The following IMPG1 variants were observed in gnomAD, a reference collection of about 807,000 sequenced individuals.
IMPG1 encodes the protein interphotoreceptor matrix proteoglycan of 150 kDa.
IMPG1 carries 85 observed loss-of-function variants against 92.0 expected under a neutral mutation model. The observed-to-expected ratio is 0.92, with a 90% CI of 0.78 to 1.11. The LOEUF (loss-of-function observed/expected upper bound fraction) is 1.11, where lower values mean the gene tolerates loss of function less well. IMPG1 is among the 50% of genes least tolerant of loss of function. The pLI is 0.00. For missense variants in IMPG1, 1,022 were observed against 956.0 expected (o/e 1.07, Z -0.91); for synonymous variants, 367 against 334.1 (o/e 1.10, Z -1.08).
rs768219294 is a variant in IMPG1 at position 75,950,825 on chromosome 6, C to T, written c.1561G>A (p.Glu521Lys). The change falls in exon 13 of 17, where the codon GAA becomes AAA. Residue 521 changes from glutamate (E) to lysine (K), a missense_variant. Glu to Lys is a moderately conservative substitution (Grantham distance 56). Around this residue, in one of 3 missense-constraint regions of IMPG1, gnomAD observed 332 missense variants for 346.2 expected, o/e 0.96. Transcript: ENST00000369950. ...GCAGGAGTGTCAGACAGATCCATTT[C>T]ATCTAGGTGTCTGACCATATCTTCG... is the stretch of plus-strand genomic sequence containing the variant. ...GGEDMVRHLD[E>K]MDLSDTPAPS... 6.2e-7 allele frequency: 1 copy of T among 1,613,964 alleles called. No individual in the cohort carries two copies. Among genetic ancestry groups the T allele is most frequent in the East Asian group, 2.2e-5 (1 of 44,882 alleles).
Position 76,069,100 on chromosome 6 carries a change from T to C in IMPG1, c.67+3322A>G, listed in dbSNP as rs1412075387. On this transcript the variant is annotated intron_variant, in intron 1 of 16. Coordinates refer to ENST00000369950, the MANE Select transcript of IMPG1 (RefSeq NM_001563.4). ...TACAACCAGTTCATCTTTGACATAG[T>C]CGACAAAAATATACACTGGGGAAAG... is the stretch of plus-strand genomic sequence containing the variant. 5.9e-5 allele frequency among the ~76,000 whole-genome samples: 9 copies of C among 152,144 alleles called. No homozygotes were observed. In the East Asian group the frequency reaches 1.7e-3, roughly 29 times the overall value.
chr6:75,935,913 C>T lies in IMPG1; in HGVS notation c.2045-4762G>A, dbSNP rs79239083. On this transcript the variant is annotated intron_variant, in intron 14 of 16. Coordinates refer to ENST00000369950, the MANE Select transcript of IMPG1 (RefSeq NM_001563.4). Reference sequence around the variant, plus strand: ...GACAGTTCTCTTCTCAATGTGTGAACATCACTTTTACATAGCGCTTGGGGC... The same window carrying T: ...GACAGTTCTCTTCTCAATGTGTGAATATCACTTTTACATAGCGCTTGGGGC... Among the ~76,000 whole-genome samples, 137 of 152,278 alleles carry T rather than the reference C, an allele frequency of 9.0e-4. 1 individual carries two copies. The East Asian group carries it at 0.022, about 24-fold the overall frequency.
chr6:75,950,690 TG>T lies in IMPG1; in HGVS notation c.1695del (p.Ile566LeufsTer9). On this transcript the variant is annotated frameshift_variant, in exon 13 of 17. Transcript: ENST00000369950. LOFTEE classifies it high-confidence loss of function. ...ACCAGCTCTCGGCCCTTGGGGGCAA[TG>T]GTCATAGAACTAGTGGTGATATACT... ...ALQYITTSSM[T>X]IAPKGRELVV... is the part of the protein sequence containing the mutation. The T allele has an allele frequency of 6.2e-7, 1 of 1,613,900 alleles. No homozygotes were observed. Among genetic ancestry groups the T allele is most frequent in the Non-Finnish European group, 8.5e-7 (1 of 1,179,862 alleles).
At chr6:75,927,002 C>T (rs895025519) in intron 15 of IMPG1, among the ~76,000 whole-genome samples, 1 of 152,192 alleles carries the variant, frequency 6.6e-6, no homozygotes, top group Non-Finnish European at 1.5e-5. Flanking sequence ...GGTAGAATAA[C>T]AAAAACGCAG....
chr6:76,067,741 A>G (rs1238489998), intron 1 of IMPG1, among the ~76,000 whole-genome samples: 1 of 152,196 alleles, frequency 6.6e-6, no homozygotes, highest in Non-Finnish European at 1.5e-5. Flanking sequence ...ACAAAAAAAG[A>G]AAACTAAAGA....
intron 12 of IMPG1, among the ~76,000 whole-genome samples, chr6:75,994,565 T>C (rs1338432786): frequency 1.3e-5 from 2 of 152,226 alleles, no homozygotes; most frequent in East Asian, 1.9e-4. Context: ...AGGAGGAGCA[T>C]GTCACGTCTT....
Position 75,966,780 on chromosome 6 carries a change from G to A in IMPG1, c.1292-15686C>T, listed in dbSNP as rs187412143. On this transcript the variant is annotated intron_variant, in intron 12 of 16. Transcript: ENST00000369950. ...AAATGTAGAAGAAAGACAAAAGAAA[G>A]CCTACATTTATGTAATTTGTGTCCT... Among the ~76,000 whole-genome samples the A allele has an allele frequency of 3.9e-5, 6 of 152,292 alleles. No homozygotes were observed. The East Asian group carries it at 1.2e-3, about 29-fold the overall frequency.
At chr6:76,062,059 G>A (rs1180690684) in intron 1 of IMPG1, among the ~76,000 whole-genome samples, 2 of 152,144 alleles carry the variant, frequency 1.3e-5, no homozygotes, top group Non-Finnish European at 2.9e-5. Flanking sequence ...ATCTAGCACA[G>A]TATTGGGTAT....
At chr6:76,035,261 G>C (rs1334253531) in intron 2 of IMPG1, among the ~76,000 whole-genome samples, 1 of 152,010 alleles carries the variant, frequency 6.6e-6, no homozygotes, top group African/African-American at 2.4e-5. Context: ...CCAGCACTTT[G>C]GGAGGCTGAG....
Position 76,003,004 on chromosome 6 carries a change from A to G in IMPG1, c.1213-8T>C. 6.2e-7 allele frequency: 1 copy of G among 1,607,110 alleles called. No homozygotes were observed. The highest frequency in any genetic ancestry group is 8.5e-7 in the Non-Finnish European group (1 of 1,173,824). ...TGGACTCAAAGTAGCATCCTGAAGA[A>G]TGAATTTTGCAAGACAGATGTTGAG... On this transcript the variant is annotated splice_region_variant and splice_polypyrimidine_tract_variant and intron_variant, in intron 11 of 16. Coordinates refer to ENST00000369950, the MANE Select transcript of IMPG1 (RefSeq NM_001563.4).
intron 12 of IMPG1, among the ~76,000 whole-genome samples, chr6:76,002,534 A>G (rs1329121316): frequency 6.6e-6 from 1 of 152,228 alleles, no homozygotes. Context: ...CACGGTTGAC[A>G]TGGCTGCTTG....
chr6:75,994,613 A>G (rs921332836), intron 12 of IMPG1, among the ~76,000 whole-genome samples: 1 of 152,220 alleles, frequency 6.6e-6, no homozygotes, highest in Non-Finnish European at 1.5e-5. Context: ...GAGCTTGGGC[A>G]GGGGAACTCC....
chr6:75,926,159 T>C (rs1224874306), intron 15 of IMPG1, among the ~76,000 whole-genome samples: 1 of 152,180 alleles, frequency 6.6e-6, no homozygotes, highest in Non-Finnish European at 1.5e-5. Context: ...ACTAGAAAAC[T>C]TCCAGGAGAA....
Position 75,934,934 on chromosome 6 carries a change from A to C in IMPG1, c.2045-3783T>G, listed in dbSNP as rs574142314. ...CCCATTTTACTCACGTGTTGGACAGAAAGTGATACATCTCCTTTGATTGGA... is the reference window on the plus strand; with the variant it reads ...CCCATTTTACTCACGTGTTGGACAGCAAGTGATACATCTCCTTTGATTGGA... On this transcript the variant is annotated intron_variant, in intron 14 of 16. Transcript: ENST00000369950. The C allele has an allele frequency of 3.0e-5, 14 of 471,450 alleles. 1 individual carries two copies. Among genetic ancestry groups the C allele is most frequent in the South Asian group, 2.2e-4 (14 of 64,554 alleles). 29.2% of individuals were successfully genotyped at this position (471,450 alleles called of 1,614,324 possible).
At chr6:75,924,702 A>AT (rs1781513885) in intron 15 of IMPG1, among the ~76,000 whole-genome samples, 1 of 218 alleles carries the variant, frequency 4.6e-3, no homozygotes, top group Non-Finnish European at 7.4e-3. Flanking sequence ...AAATAATTAT[A>AT]TATAATATAT....
chr6:76,030,182 A>G (rs983557790), intron 4 of IMPG1, among the ~76,000 whole-genome samples: 2 of 152,154 alleles, frequency 1.3e-5, no homozygotes, highest in Non-Finnish European at 2.9e-5. Context: ...ATAGAGACAT[A>G]AGGGAGAGCA....
At position 76,018,758 on chromosome 6, in the gene IMPG1, G is replaced by T. The variant is rs760175948; in HGVS notation, c.767C>A (p.Ser256Tyr). 10 of 1,613,378 alleles carry T rather than the reference G, an allele frequency of 6.2e-6. No homozygotes were observed. The Admixed American group carries it at 1.7e-4, about 27-fold the overall frequency. ...TCCTGCTAGCTCCTGGTAATATGGG[G>T]ACTGGGAGTCAGCGAGCTCTGCCTT... Reference protein sequence around the residue: ...KFKAELADSQSPYYQELAGKS... With the variant: ...KFKAELADSQYPYYQELAGKS... Residue 256 changes from serine to tyrosine, a missense_variant, in exon 7 of 17, where the codon TCC becomes TAC. Around this residue, in one of 3 missense-constraint regions of IMPG1, gnomAD observed 681 missense variants for 583.6 expected, o/e 1.17. Transcript: ENST00000369950.
intron 13 of IMPG1, among the ~76,000 whole-genome samples, chr6:75,948,292 C>T (rs1236081975): frequency 1.3e-5 from 2 of 152,238 alleles, no homozygotes; most frequent in Non-Finnish European, 2.9e-5. Flanking sequence ...TCCTGTGAGC[C>T]ACGCCATCCT....
At chr6:76,034,849 A>G (rs1175770779) in intron 2 of IMPG1, 62 bp from the exon 3 acceptor site, 48 of 1,388,574 alleles carry the variant, frequency 3.5e-5, no homozygotes, top group South Asian at 9.4e-5. Flanking sequence ...ATCCCAAGCA[A>G]AGTCTAATAA....
Sources: gnomAD v4.1 joint callset for allele counts (sites outside exome capture counted in the v4.1 genomes callset) on GRCh38, gnomAD v4.1.1 for gene constraint, gnomAD v4.1.1 regional missense constraint, MANE v1.5 for transcripts, NCBI Gene and HGNC (gene_info 2026-07-23, HGNC 2026-07-21) for gene names.